The following PDE3A variants were observed in gnomAD, a reference collection of about 807,000 sequenced individuals.
PDE3A encodes phosphodiesterase 3A.
Under a neutral mutation model 98.3 loss-of-function variants are expected in PDE3A, and 43 were observed. The ratio of observed to expected loss-of-function variants is 0.44; its 90% CI spans 0.34 to 0.56. The LOEUF (loss-of-function observed/expected upper bound fraction) is 0.56. PDE3A is among the 20% of genes least tolerant of loss of function. The pLI is 0.01. For synonymous variants in PDE3A, 663 were observed against 567.9 expected (o/e 1.17, Z -2.38); for missense variants, 1,427 against 1,440.7 (o/e 0.99, Z 0.15).
chr12:20,669,581 T>G (rs1021747339), intron 15 of PDE3A, among the ~76,000 whole-genome samples: 21 of 151,872 alleles, frequency 1.4e-4, no homozygotes, highest in African/African-American at 5.1e-4. Flanking sequence ...AACCCAGAAT[T>G]TCATATCCAG....
At chr12:20,496,563 C>T (rs962598665) in intron 1 of PDE3A, among the ~76,000 whole-genome samples, 1 of 151,626 alleles carries the variant, frequency 6.6e-6, no homozygotes, top group East Asian at 1.9e-4. Flanking sequence ...CTCTCTGCTA[C>T]CTCATGGGCC....
At chr12:20,496,764 T>G (rs1270226769) in intron 1 of PDE3A, among the ~76,000 whole-genome samples, 3 of 152,206 alleles carry the variant, frequency 2.0e-5, no homozygotes, top group African/African-American at 7.2e-5. Flanking sequence ...GCTTCTATCT[T>G]TCACGAATAT....
At position 20,493,136 on chromosome 12, in the gene PDE3A, C is replaced by A. The variant is rs921611816; in HGVS notation, c.961-63524C>A. On this transcript the variant is annotated intron_variant, in intron 1 of 15. Transcript: ENST00000359062. Reference sequence around the variant, plus strand: ...AGTCAGCAAATATTGTTAATAGTATCATTAACACTTTATAGATTAATTCAT... The same window carrying A: ...AGTCAGCAAATATTGTTAATAGTATAATTAACACTTTATAGATTAATTCAT... Among the ~76,000 whole-genome samples the A allele has an allele frequency of 8.5e-5, 13 of 152,208 alleles. No homozygotes were observed. In the East Asian group the frequency reaches 2.3e-3, roughly 27 times the overall value.
intron 1 of PDE3A, among the ~76,000 whole-genome samples, chr12:20,435,841 A>T (rs1361135122): frequency 2.6e-5 from 4 of 152,342 alleles, no homozygotes; most frequent in African/African-American, 9.6e-5. Context: ...ATATAGTGTC[A>T]GAGCTGGGCA....
chr12:20,535,544 G>T (rs1941727333), intron 1 of PDE3A, among the ~76,000 whole-genome samples: 1 of 152,092 alleles, frequency 6.6e-6, no homozygotes, highest in African/African-American at 2.4e-5. Flanking sequence ...TGCTCCAGAA[G>T]GTTATTTTGA....
chr12:20,450,707 A>G (rs11045254), intron 1 of PDE3A, among the ~76,000 whole-genome samples: 9,048 of 152,334 alleles, frequency 0.059, 291 homozygotes, highest in African/African-American at 0.076. Flanking sequence ...AGAGTCATCT[A>G]GAATTTGGCT....
chr12:20,635,620 G>A (rs368104441), intron 8 of PDE3A, among the ~76,000 whole-genome samples: 82 of 151,370 alleles, frequency 5.4e-4, no homozygotes, highest in African/African-American at 1.9e-3. Context: ...AGGCATGGTG[G>A]CAGGTGCCTG....
intron 2 of PDE3A, among the ~76,000 whole-genome samples, chr12:20,589,500 C>T (rs545144427): frequency 2.0e-4 from 31 of 152,184 alleles, no homozygotes; most frequent in Admixed American, 4.6e-4. Context: ...GGCAATAGGT[C>T]TGTGCATTAT....
At chr12:20,585,596 A>G (rs1033197607) in intron 2 of PDE3A, among the ~76,000 whole-genome samples, 9 of 152,020 alleles carry the variant, frequency 5.9e-5, no homozygotes, top group Admixed American at 6.6e-5. Flanking sequence ...GAATCTCCAA[A>G]TGTAAATGGT....
intron 2 of PDE3A, among the ~76,000 whole-genome samples, chr12:20,575,281 T>C (rs1432873769): frequency 1.3e-5 from 2 of 152,076 alleles, no homozygotes; most frequent in Admixed American, 6.6e-5. Flanking sequence ...AAAATGTTAC[T>C]TAAGTAAATT....
In PDE3A at chr12:20,682,500, A is replaced by G. The variant is rs185324269; in HGVS notation, c.*2229A>G. The G allele has an allele frequency of 1.3e-4, 20 of 152,330 alleles. No individual in the cohort carries two copies. The East Asian group carries it at 3.3e-3, about 25-fold the overall frequency. The allele number at this position is 152,330 out of a possible 1,614,324, so 9.4% of individuals were successfully genotyped here. A position where few individuals can be genotyped will look rare whatever the true frequency, so the allele number is the denominator to read the frequency against. ...ACATGGTTTCAAGGCAAATTCTCCA[A>G]TAAGTTGGAAAATGTAAAAAGGATC... On this transcript the variant is annotated 3_prime_UTR_variant, in exon 16 of 16. Coordinates refer to ENST00000359062, the MANE Select transcript of PDE3A (RefSeq NM_000921.5).
At chr12:20,408,211 G>A (rs1277638415) in intron 1 of PDE3A, among the ~76,000 whole-genome samples, 1 of 152,176 alleles carries the variant, frequency 6.6e-6, no homozygotes, top group Non-Finnish European at 1.5e-5. Flanking sequence ...GAGCCACCAT[G>A]CCTGGCCAAT....
At chr12:20,463,025 G>GC (rs947428720) in intron 1 of PDE3A, among the ~76,000 whole-genome samples, 5 of 151,968 alleles carry the variant, frequency 3.3e-5, no homozygotes, top group South Asian at 2.1e-4. Context: ...TCTTGTCTTG[G>GC]CCCCCGCAAA....
chr12:20,548,435 A>G (rs1942113777), intron 1 of PDE3A, among the ~76,000 whole-genome samples: 1 of 151,836 alleles, frequency 6.6e-6, no homozygotes. Context: ...AGATGGTGAG[A>G]GACAAACATT....
At chr12:20,565,311 G>A (rs1481189415) in intron 2 of PDE3A, among the ~76,000 whole-genome samples, 1 of 151,998 alleles carries the variant, frequency 6.6e-6, no homozygotes, top group Non-Finnish European at 1.5e-5. Flanking sequence ...ATCTGACAAA[G>A]GGAAATAATT....
chr12:20,407,497 A>T (rs1023239007), intron 1 of PDE3A, among the ~76,000 whole-genome samples: 1 of 152,194 alleles, frequency 6.6e-6, no homozygotes, highest in African/African-American at 2.4e-5. Context: ...GAAGTGTAGT[A>T]ACTCTAAATC....
chr12:20,653,449 G>A (rs896878573), intron 14 of PDE3A, among the ~76,000 whole-genome samples: 2 of 151,374 alleles, frequency 1.3e-5, no homozygotes, highest in South Asian at 2.1e-4. Flanking sequence ...CGCAACCTCC[G>A]CCTCCTGGGT....
At chr12:20,527,204 G>A (rs1373793475) in intron 1 of PDE3A, among the ~76,000 whole-genome samples, 1 of 151,916 alleles carries the variant, frequency 6.6e-6, no homozygotes, top group Non-Finnish European at 1.5e-5. Flanking sequence ...GCCCGGCCGT[G>A]TTTTTTTGTT....
chr12:20,423,040 T>G (rs1236356463), intron 1 of PDE3A, among the ~76,000 whole-genome samples: 1 of 152,168 alleles, frequency 6.6e-6, no homozygotes, highest in East Asian at 1.9e-4. Flanking sequence ...CTGGGTTGAT[T>G]TTTGATATTT....
Sources: gnomAD v4.1 joint callset for allele counts (sites outside exome capture counted in the v4.1 genomes callset) on GRCh38, gnomAD v4.1.1 for gene constraint, MANE v1.5 for transcripts, NCBI Gene and HGNC (gene_info 2026-07-23, HGNC 2026-07-21) for gene names.